ITGA6: variants seen among roughly 807,000 people sequenced by gnomAD.
The protein encoded by ITGA6 is integrin subunit alpha 6, also known as integrin alpha-6.
ITGA6 carries 63 observed loss-of-function variants against 133.6 expected under a neutral mutation model. That is an observed-to-expected ratio of 0.47 (90% CI 0.38 to 0.58). The LOEUF is 0.58. Among genes scored for constraint, ITGA6 ranks in the 20% least tolerant of loss-of-function variants. The pLI is 0.00. For synonymous variants in ITGA6, 434 were observed against 482.0 expected (o/e 0.90, Z 1.30); for missense variants, 1,068 against 1,309.4 (o/e 0.82, Z 2.85).
In ITGA6 at chr2:172,504,261, TAAA is replaced by T; in HGVS notation, c.*202_*204del. 2 of 1,214,030 alleles carry T rather than the reference TAAA, an allele frequency of 1.6e-6. No homozygotes were observed. The highest frequency in any genetic ancestry group is 2.9e-5 in the Admixed American group (1 of 34,688). 75.2% of individuals were successfully genotyped at this position (1,214,030 alleles called of 1,614,324 possible). On this transcript the variant is annotated 3_prime_UTR_variant, in exon 26 of 26. Coordinates refer to ENST00000684293, the MANE Select transcript of ITGA6 (RefSeq NM_000210.4). ...ATGAAAGCTACTCATAGCGGGGGCCTAAAAAAAAAAAGCTTCACAGTACCCAAA... is the reference window on the plus strand; with the variant it reads ...ATGAAAGCTACTCATAGCGGGGGCCTAAAAAAAAGCTTCACAGTACCCAAA...
intron 6 of ITGA6, 58 bp downstream of exon 6, chr2:172,474,323 A>G (rs1005840689): frequency 2.7e-5 from 39 of 1,455,754 alleles, no homozygotes; most frequent in East Asian, 1.1e-4. Flanking sequence ...ACTAGCTTCT[A>G]TACGACTGGA....
intron 1 of ITGA6, among the ~76,000 whole-genome samples, chr2:172,443,007 T>C (rs1321859505): frequency 1.3e-5 from 2 of 152,180 alleles, no homozygotes; most frequent in Non-Finnish European, 2.9e-5. Context: ...TACAGTCACA[T>C]GGTACAAATA....
chr2:172,491,116 G>T lies in ITGA6; in HGVS notation c.2772G>T (p.Gln924His). 1 of 1,497,234 alleles carries T rather than the reference G, an allele frequency of 6.7e-7. No homozygotes were observed. Among genetic ancestry groups the T allele is most frequent in the South Asian group, 1.1e-5 (1 of 88,574 alleles). The allele number at this position is 1,497,234 out of a possible 1,614,324, so 92.7% of individuals were successfully genotyped here. ...CTTTATTTGCTGAAAGAAAATACCA[G>T]ACTCTTGTAAGTATTTTTCAAGAGC... is the stretch of plus-strand genomic sequence containing the variant. ...KFSLFAERKY[Q>H]TLNCSVNVNC... The change falls in exon 21 of 26, where the codon CAG (glutamine) becomes CAT (histidine). Residue 924 changes from glutamine (Q) to histidine (H), a missense_variant. By Grantham distance (24) the Gln-to-His change is conservative (BLOSUM62 0). Coordinates refer to ENST00000684293, the MANE Select transcript of ITGA6 (RefSeq NM_000210.4). This position sits in a 1 kb window ranked among gnomAD's most constrained non-coding sequence, Gnocchi z 4.4.
intron 24 of ITGA6, among the ~76,000 whole-genome samples, chr2:172,501,376 T>G (rs1206634239): frequency 1.3e-5 from 2 of 152,262 alleles, no homozygotes; most frequent in African/African-American, 4.8e-5. Context: ...GAATTTATTT[T>G]CTAACCTTTG....
intron 1 of ITGA6, among the ~76,000 whole-genome samples, chr2:172,453,808 A>G (rs1213783623): frequency 1.3e-5 from 2 of 152,220 alleles, no homozygotes; most frequent in African/African-American, 4.8e-5. Flanking sequence ...TTAATTGTGT[A>G]AATTACCTGG....
At chr2:172,437,849 A>G (rs776876951) in intron 1 of ITGA6, among the ~76,000 whole-genome samples, 1 of 148,440 alleles carries the variant, frequency 6.7e-6, no homozygotes, top group Non-Finnish European at 1.5e-5. Flanking sequence ...AGAGGGAGGG[A>G]GTGTGTGGTC....
At chr2:172,435,629 TTTTTTTTTTTTG>T (rs1055235024) in intron 1 of ITGA6, among the ~76,000 whole-genome samples, 4 of 139,122 alleles carry the variant, frequency 2.9e-5, no homozygotes, top group African/African-American at 1.1e-4. Flanking sequence ...TTTTTTTTTT[TTTTTTTTTTTTG>T]TTGAGACAGA....
In ITGA6 at chr2:172,479,751, T is replaced by G; in HGVS notation, c.1487+12T>G. 6.2e-7 allele frequency: 1 copy of G among 1,603,534 alleles called. No homozygotes were observed. Among genetic ancestry groups the G allele is most frequent in the Non-Finnish European group, 8.5e-7 (1 of 1,170,502 alleles). On this transcript the variant is annotated intron_variant, in intron 10 of 25. Transcript: ENST00000684293. ...CCTAGTGGGATATGGTGAGCATCCCTCTGTCTTGGTGGGATCCCCCTCAGT... is the reference window on the plus strand; with the variant it reads ...CCTAGTGGGATATGGTGAGCATCCCGCTGTCTTGGTGGGATCCCCCTCAGT...
intron 1 of ITGA6, among the ~76,000 whole-genome samples, chr2:172,459,979 AAAAAG>A (rs1282916417): frequency 1.3e-5 from 2 of 152,214 alleles, no homozygotes; most frequent in African/African-American, 2.4e-5. Flanking sequence ...CAATAGAAGA[AAAAAG>A]AAAGGCAATG....
rs748299804 is a variant in ITGA6, at chr2:172,476,414, C to A, written c.1289C>A (p.Pro430His). 1 of 1,604,606 alleles carries A rather than the reference C, an allele frequency of 6.2e-7. No individual in the cohort carries two copies. The change falls in exon 9 of 26, where the codon CCT (proline) becomes CAT (histidine). Residue 430 changes from proline to histidine, a missense_variant. Coordinates refer to ENST00000684293, the MANE Select transcript of ITGA6 (RefSeq NM_000210.4). ...TTTCAGGTTCTCAAGGGTATATCAC[C>A]TTATTTTGGATATTCAATTGCTGGA... ...KPTQVLKGIS[P>H]YFGYSIAGNM...
chr2:172,485,102 C>T lies in ITGA6; in HGVS notation c.1711-19C>T. ...GCATGTACACCCCACTTAACTCTGACTGCATGCTTTTCATGCAGGATAATA... is the reference window on the plus strand; with the variant it reads ...GCATGTACACCCCACTTAACTCTGATTGCATGCTTTTCATGCAGGATAATA... On this transcript the variant is annotated intron_variant, in intron 12 of 25. Coordinates refer to ENST00000684293, the MANE Select transcript of ITGA6 (RefSeq NM_000210.4). 1 of 1,613,394 alleles carries T rather than the reference C, an allele frequency of 6.2e-7. No individual in the cohort carries two copies. Among genetic ancestry groups the T allele is most frequent in the South Asian group, 1.1e-5 (1 of 91,072 alleles).
intron 1 of ITGA6, among the ~76,000 whole-genome samples, chr2:172,435,387 C>T (rs185323703): frequency 2.0e-5 from 3 of 152,048 alleles, no homozygotes; most frequent in East Asian, 1.9e-4. Flanking sequence ...ATATATCTTG[C>T]GGGTGATGGC....
chr2:172,453,233 A>G (rs1435162178), intron 1 of ITGA6, among the ~76,000 whole-genome samples: 1 of 151,818 alleles, frequency 6.6e-6, no homozygotes, highest in Admixed American at 6.6e-5. Flanking sequence ...TTTTTTTTAA[A>G]TCACAGTACA....
intron 1 of ITGA6, among the ~76,000 whole-genome samples, chr2:172,432,426 C>G (rs1447871037): frequency 6.6e-6 from 1 of 152,230 alleles, no homozygotes; most frequent in Non-Finnish European, 1.5e-5. Flanking sequence ...TCTTTGCCTG[C>G]TAGCACCTAG....
intron 11 of ITGA6, among the ~76,000 whole-genome samples, chr2:172,483,655 T>C (rs965518085): frequency 2.0e-5 from 3 of 152,192 alleles, no homozygotes; most frequent in African/African-American, 4.8e-5. Flanking sequence ...ACATCCTAGC[T>C]TCCCTCCAGG....
intron 11 of ITGA6, among the ~76,000 whole-genome samples, chr2:172,483,066 A>G (rs914796174): frequency 4.6e-5 from 7 of 152,180 alleles, no homozygotes; most frequent in African/African-American, 1.7e-4. Flanking sequence ...GCTTAAATGT[A>G]GAGACTGGAG....
In ITGA6 at chr2:172,484,762, A is replaced by G; in HGVS notation, c.1550-20A>G. The stretch of plus-strand genomic sequence containing the variant: ...TGTGCATGAATGCACTTACGTTAAT[A>G]TGATTTTAATTTTATCTAGCAATTG... On this transcript the variant is annotated intron_variant, in intron 11 of 25. Transcript: ENST00000684293. 1.2e-6 allele frequency: 2 copies of G among 1,609,518 alleles called. No homozygotes were observed. The highest frequency in any genetic ancestry group is 1.1e-5 in the South Asian group (1 of 90,936).
chr2:172,446,896 ATTTTAT>A (rs962207238), intron 1 of ITGA6, among the ~76,000 whole-genome samples: 1 of 151,968 alleles, frequency 6.6e-6, no homozygotes, highest in African/African-American at 2.4e-5. Context: ...ACCTAATTTA[ATTTTAT>A]TTTTAATTTT....
In ITGA6 at chr2:172,476,376, G is replaced by GA; in HGVS notation, c.1270-18dup. Reference sequence around the variant, plus strand: ...ATGGTGATAACCTAATGTCCATTCGGATGCCCTGTGTATTTCAGGTTCTCA... The same window carrying GA: ...ATGGTGATAACCTAATGTCCATTCGGAATGCCCTGTGTATTTCAGGTTCTCA... On this transcript the variant is annotated intron_variant, in intron 8 of 25. Transcript: ENST00000684293. 1 of 1,268,718 alleles carries GA rather than the reference G, an allele frequency of 7.9e-7. No homozygotes were observed. The highest frequency in any genetic ancestry group is 1.2e-6 in the Non-Finnish European group (1 of 865,056). 78.6% of individuals were successfully genotyped at this position (1,268,718 alleles called of 1,614,324 possible). A position where few individuals can be genotyped will look rare whatever the true frequency, so the allele number is the denominator to read the frequency against.
Sources: gnomAD v4.1 joint callset for allele counts (sites outside exome capture counted in the v4.1 genomes callset) on GRCh38, gnomAD v4.1.1 for gene constraint, Gnocchi (gnomAD v3.1) non-coding constraint, MANE v1.5 for transcripts, NCBI Gene and HGNC (gene_info 2026-07-23, HGNC 2026-07-21) for gene names.